Variants in PGCKA1 observed in about 807,000 individuals in gnomAD.
The protein encoded by PGCKA1 is PDCD10 and GCKIII kinases associated 1.
the PGCKA1 span, among the ~76,000 whole-genome samples, chr4:37,518,103 T>C: frequency 6.6e-6 from 1 of 152,260 alleles, no homozygotes. Context: ...CTCATTCTTT[T>C]ATGGCTGAAT....
At chr4:37,553,912 T>A in the PGCKA1 span, among the ~76,000 whole-genome samples, 1 of 152,244 alleles carries the variant, frequency 6.6e-6, no homozygotes, top group African/African-American at 2.4e-5. Context: ...GAACATTGTA[T>A]AAATGAATTA....
chr4:37,544,278 C>A, the PGCKA1 span, among the ~76,000 whole-genome samples: 2 of 152,092 alleles, frequency 1.3e-5, no homozygotes, highest in Admixed American at 1.3e-4. Context: ...TGGATCTTTA[C>A]TTTTATCCTA....
chr4:37,497,224 G>A, the PGCKA1 span, among the ~76,000 whole-genome samples: 36 of 152,174 alleles, frequency 2.4e-4, 1 homozygote, highest in South Asian at 2.1e-3. Flanking sequence ...TAGAATACTA[G>A]TCTCCAGTCT....
At chr4:37,499,099 T>C in the PGCKA1 span, among the ~76,000 whole-genome samples, 18 of 152,348 alleles carry the variant, frequency 1.2e-4, no homozygotes, top group African/African-American at 4.3e-4. Flanking sequence ...TTTTTGTCTT[T>C]AGTTCTGTTT....
At chr4:37,488,852 C>T in the PGCKA1 span, among the ~76,000 whole-genome samples, 1 of 152,156 alleles carries the variant, frequency 6.6e-6, no homozygotes, top group Admixed American at 6.6e-5. Context: ...TGTAAACCTC[C>T]CTTAGTCCTC....
chr4:37,461,052 A>G, the PGCKA1 span: 1 of 237,840 alleles, frequency 4.2e-6, no homozygotes, highest in South Asian at 4.1e-5. Context: ...TTTTCTGCAT[A>G]TGGCTAGCCA....
At chr4:37,492,576 G>T in the PGCKA1 span, among the ~76,000 whole-genome samples, 11 of 152,192 alleles carry the variant, frequency 7.2e-5, no homozygotes, top group Non-Finnish European at 2.9e-5. The surrounding 1 kb of genome is among the most constrained non-coding windows in gnomAD (Gnocchi z 4.7). Context: ...GTGAAAAGGA[G>T]ACTTGGGTAA....
At chr4:37,528,516 A>G in the PGCKA1 span, among the ~76,000 whole-genome samples, 2 of 152,222 alleles carry the variant, frequency 1.3e-5, no homozygotes, top group Non-Finnish European at 2.9e-5. Context: ...TCTTTGGGGT[A>G]AAGAAAGAAG....
the PGCKA1 span, among the ~76,000 whole-genome samples, chr4:37,499,163 A>G: frequency 2.0e-5 from 3 of 152,222 alleles, no homozygotes; most frequent in Admixed American, 2.0e-4. Flanking sequence ...CTTGCATCCC[A>G]GGGATAAAGC....
the PGCKA1 span, among the ~76,000 whole-genome samples, chr4:37,523,158 A>G: frequency 6.6e-6 from 1 of 152,178 alleles, no homozygotes; most frequent in Non-Finnish European, 1.5e-5. Flanking sequence ...AGTTCTGACC[A>G]CAGGGGTCAG....
chr4:37,564,334 C>A, the PGCKA1 span, among the ~76,000 whole-genome samples: 1 of 149,312 alleles, frequency 6.7e-6, no homozygotes, highest in East Asian at 2.0e-4. Flanking sequence ...TTGCCATGAA[C>A]ATGCAAACGG....
the PGCKA1 span, among the ~76,000 whole-genome samples, chr4:37,476,666 CAT>C: frequency 1.3e-3 from 194 of 152,286 alleles, no homozygotes; most frequent in African/African-American, 4.4e-3. Flanking sequence ...TGTGCTAAAA[CAT>C]AGATGGGATC....
At chr4:37,504,159 C>T in the PGCKA1 span, among the ~76,000 whole-genome samples, 1 of 152,120 alleles carries the variant, frequency 6.6e-6, no homozygotes, top group Non-Finnish European at 1.5e-5. Flanking sequence ...CATTCTTTTG[C>T]ATATGGCTAT....
chr4:37,480,188 T>C, the PGCKA1 span, among the ~76,000 whole-genome samples: 1 of 152,338 alleles, frequency 6.6e-6, no homozygotes, highest in South Asian at 2.1e-4. Context: ...AGACAGGTTT[T>C]CTTTAGTTAA....
At chr4:37,465,492 G>A in the PGCKA1 span, among the ~76,000 whole-genome samples, 1 of 152,118 alleles carries the variant, frequency 6.6e-6, no homozygotes, top group African/African-American at 2.4e-5. Flanking sequence ...AGAGAGGGGA[G>A]GGCGAAGGGC....
the PGCKA1 span, among the ~76,000 whole-genome samples, chr4:37,578,238 C>T: frequency 0.15 from 22,612 of 152,062 alleles, 4,615 homozygotes; most frequent in African/African-American, 0.46. Context: ...CAGTGTTGGG[C>T]GCATATATAT....
the PGCKA1 span, among the ~76,000 whole-genome samples, chr4:37,539,445 T>A: frequency 6.6e-6 from 1 of 152,070 alleles, no homozygotes; most frequent in Non-Finnish European, 1.5e-5. Context: ...TCACCTGAGG[T>A]CAGGAGTTTG....
the PGCKA1 span, among the ~76,000 whole-genome samples, chr4:37,547,073 C>G: frequency 6.6e-6 from 1 of 152,010 alleles, no homozygotes; most frequent in Non-Finnish European, 1.5e-5. Flanking sequence ...CTTGCCCACT[C>G]CATTTGAGTG....
the PGCKA1 span, among the ~76,000 whole-genome samples, chr4:37,526,721 G>A: frequency 4.6e-5 from 7 of 152,220 alleles, no homozygotes; most frequent in Middle Eastern, 0.01. Context: ...CATACCTGCC[G>A]CACTTCTGGT....
Sources: allele counts gnomAD v4.1 joint callset (sites outside exome capture counted in the v4.1 genomes callset), GRCh38; gene constraint gnomAD v4.1.1; non-coding constraint Gnocchi (gnomAD v3.1); transcripts MANE v1.5; gene names NCBI Gene and HGNC (gene_info 2026-07-23, HGNC 2026-07-21).